The following BARX1 variants were observed in gnomAD, a reference collection of about 807,000 sequenced individuals.
The protein encoded by BARX1 is homeobox protein BarH-like 1.
A neutral mutation model predicts 19.6 loss-of-function variants in BARX1; 10 were observed. That is an observed-to-expected ratio of 0.51 (90% CI 0.31 to 0.86). The LOEUF is 0.86. Among genes scored for constraint, BARX1 ranks in the 40% least tolerant of loss-of-function variants. The probability of loss-of-function intolerance (pLI) is 0.04; values close to 1 mark genes in which losing one functional copy is unlikely to be tolerated. For synonymous variants in BARX1, 177 were observed against 170.0 expected (o/e 1.04, Z -0.32); for missense variants, 309 against 360.4 (o/e 0.86, Z 1.15).
intron 1 of BARX1, among the ~76,000 whole-genome samples, 190 bp downstream of exon 1, chr9:93,954,734 T>C (rs760918263): frequency 5.3e-5 from 8 of 151,946 alleles, no homozygotes; most frequent in Non-Finnish European, 1.2e-4. Flanking sequence ...AGGCCTGGTT[T>C]CTGTGAGGCC....
Position 93,952,723 on chromosome 9 carries a change from A to T in BARX1, c.600+6T>A. 6.2e-7 allele frequency: 1 copy of T among 1,613,836 alleles called. No individual in the cohort carries two copies. Among genetic ancestry groups the T allele is most frequent in the Non-Finnish European group, 8.5e-7 (1 of 1,179,784 alleles). On this transcript the variant is annotated splice_donor_region_variant and intron_variant, in intron 3 of 3. Transcript: ENST00000253968. Reference sequence around the variant, plus strand: ...TGAGGGGTGGGAAGCCACCAGGCACACTCACTATTTTCTTCCACTTCATCC... The same window carrying T: ...TGAGGGGTGGGAAGCCACCAGGCACTCTCACTATTTTCTTCCACTTCATCC...
In BARX1 at chr9:93,952,795, G is replaced by C; in HGVS notation, c.534C>G (p.Ser178=). 1 of 1,614,148 alleles carries C rather than the reference G, an allele frequency of 6.2e-7. No homozygotes were observed. The highest frequency in any genetic ancestry group is 2.2e-5 in the East Asian group (1 of 44,882). ...TCACCTGCAACTGGCTCAGGCCCAG[G>C]GACTCAGCAAGATCTATTCTGGAAA... is the stretch of plus-strand genomic sequence containing the variant. ...STPDRIDLAE[S]LGLSQLQVKT... Residue 178 remains serine, a synonymous_variant, in exon 3 of 4, where the codon TCC becomes TCG. Coordinates refer to ENST00000253968, the MANE Select transcript of BARX1 (RefSeq NM_021570.4).
At chr9:93,953,470 T>C in intron 1 of BARX1, 1 of 445,316 alleles carries the variant, frequency 2.2e-6, no homozygotes, top group Non-Finnish European at 3.9e-6. Context: ...CTGATGAACA[T>C]GTTTGCAGCT....
In BARX1 at chr9:93,955,215, C is replaced by A; in HGVS notation, c.-69G>T. 1 of 751,704 alleles carries A rather than the reference C, an allele frequency of 1.3e-6. No homozygotes were observed. Among genetic ancestry groups the A allele is most frequent in the Non-Finnish European group, 1.6e-6 (1 of 619,682 alleles). The allele number at this position is 751,704 out of a possible 1,614,324, so 46.6% of individuals were successfully genotyped here. On this transcript the variant is annotated 5_prime_UTR_variant, in exon 1 of 4. Coordinates refer to ENST00000253968, the MANE Select transcript of BARX1 (RefSeq NM_021570.4). This position sits in a 1 kb window ranked among gnomAD's most constrained non-coding sequence, Gnocchi z 4.4. ...CGACGGCTTGGCTCCGGCGCGGGGC[C>A]CGCGCGGGGCTCTAGGCCGGCCCGC...
At chr9:93,952,355 G>A (rs543034333) in intron 3 of BARX1, 27 bp from the exon 4 acceptor site, 1 of 1,598,202 alleles carries the variant, frequency 6.3e-7, no homozygotes, top group East Asian at 2.2e-5. Context: ...CAGCACCTGG[G>A]TGAGCCAGCA....
At position 93,953,004 on chromosome 9, in the gene BARX1, C is replaced by A; in HGVS notation, c.407G>T (p.Gly136Val). ...KLEAAGPGEP[G>V]TKAKKGRRSR... ...CCGACGCCCCTTCTTGGCTTTGGTG[C>A]CTGGCTCCCCAGGGCCTGCCGCCTC... Residue 136 changes from glycine to valine, a missense_variant, in exon 2 of 4, where the codon GGC becomes GTC. Coordinates refer to ENST00000253968, the MANE Select transcript of BARX1 (RefSeq NM_021570.4). The A allele has an allele frequency of 6.4e-7, 1 of 1,573,022 alleles. No homozygotes were observed. Among genetic ancestry groups the A allele is most frequent in the African/African-American group, 1.4e-5 (1 of 73,906 alleles).
Position 93,955,115 on chromosome 9 carries a change from C to T in BARX1, c.32G>A (p.Arg11His), listed in dbSNP as rs1829146677. Residue 11 changes from arginine (R) to histidine (H), a missense_variant, in exon 1 of 4, where the codon CGC becomes CAC. This residue lies in a region of BARX1 where 204 missense variants were observed against 206.8 expected (regional missense o/e 0.99). Transcript: ENST00000253968. The surrounding 1 kb of genome is among the most constrained non-coding windows in gnomAD (Gnocchi z 4.4). Reference protein sequence around the residue: MQRPGEPGAARFGPPEGCADH... With the variant: MQRPGEPGAAHFGPPEGCADH... ...CGCGCAGCCCTCGGGCGGGCCGAAG[C>T]GCGCGGCGCCCGGCTCCCCCGGCCG... is the stretch of plus-strand genomic sequence containing the variant. The T allele has an allele frequency of 3.2e-6, 4 of 1,237,684 alleles. No homozygotes were observed. Among genetic ancestry groups the T allele is most frequent in the East Asian group, 3.6e-5 (1 of 27,800 alleles). The allele number at this position is 1,237,684 out of a possible 1,614,324, so 76.7% of individuals were successfully genotyped here.
rs1271031550 is a variant in BARX1, at chr9:93,955,014, C to T, written c.133G>A (p.Ala45Thr). The T allele has an allele frequency of 4.3e-6, 6 of 1,399,106 alleles. No homozygotes were observed. In the East Asian group the frequency reaches 1.6e-4, roughly 38 times the overall value. The allele number at this position is 1,399,106 out of a possible 1,614,324, so 86.7% of individuals were successfully genotyped here. Residue 45 changes from alanine (A) to threonine (T), a missense_variant, in exon 1 of 4, where the codon GCG (alanine) becomes ACG (threonine). By Grantham distance (58) the Ala-to-Thr change is moderately conservative. Transcript: ENST00000253968. The surrounding 1 kb of genome is among the most constrained non-coding windows in gnomAD (Gnocchi z 4.4). ...LTEPPGPKGA[A>T]PAAAAAAAGE... is the part of the protein sequence containing the mutation. ...GCCGCGGCAGCGGCGGCTGCGGGCG[C>T]GGCGCCCTTGGGCCCGGGTGGCTCC...
chr9:93,954,489 A>C (rs1051376585), intron 1 of BARX1, among the ~76,000 whole-genome samples: 2 of 152,168 alleles, frequency 1.3e-5, no homozygotes, highest in Admixed American at 6.5e-5. Flanking sequence ...TCGGGAGCGC[A>C]GGCCTCCTCC....
intron 1 of BARX1, 182 bp from the exon 2 acceptor site, chr9:93,953,369 C>T: frequency 1.5e-6 from 1 of 670,740 alleles, no homozygotes; most frequent in Non-Finnish European, 2.4e-6. Flanking sequence ...GTTGCCGTTC[C>T]CCAGATTTGG....
chr9:93,955,206 G>C lies in BARX1; in HGVS notation c.-60C>G. On this transcript the variant is annotated 5_prime_UTR_variant, in exon 1 of 4. Transcript: ENST00000253968. This position sits in a 1 kb window ranked among gnomAD's most constrained non-coding sequence, Gnocchi z 4.4. ...CGGCGGCGGCGACGGCTTGGCTCCG[G>C]CGCGGGGCCCGCGCGGGGCTCTAGG... is the stretch of plus-strand genomic sequence containing the variant. 1.2e-6 allele frequency: 1 copy of C among 848,504 alleles called. No individual in the cohort carries two copies. Among genetic ancestry groups the C allele is most frequent in the Non-Finnish European group, 1.4e-6 (1 of 707,574 alleles). 52.6% of individuals were successfully genotyped at this position (848,504 alleles called of 1,614,324 possible).
rs747038748 is a variant in BARX1, at chr9:93,953,153, C to A, written c.258G>T (p.Lys86Asn). 1 of 1,536,804 alleles carries A rather than the reference C, an allele frequency of 6.5e-7. No homozygotes were observed. The highest frequency in any genetic ancestry group is 1.2e-5 in the South Asian group (1 of 82,422). ...AACAGCCCAGCGGCGCCAGTGGGAA[C>A]TTGAACACCGCCGCCTGCTCGGCCT... Reference protein sequence around the residue: ...VLKAEQAAVFKFPLAPLGCSG... With the variant: ...VLKAEQAAVFNFPLAPLGCSG... Residue 86 changes from lysine (K) to asparagine (N), a missense_variant, in exon 2 of 4, where the codon AAG becomes AAT. Physicochemically the swap from Lys to Asn is moderately conservative, Grantham distance 94 (BLOSUM62 0). This residue lies in a region of BARX1 where 204 missense variants were observed against 206.8 expected (regional missense o/e 0.99). Transcript: ENST00000253968.
Position 93,954,913 on chromosome 9 carries a change from G to A in BARX1, c.223+11C>T. On this transcript the variant is annotated intron_variant, in intron 1 of 3. Coordinates refer to ENST00000253968, the MANE Select transcript of BARX1 (RefSeq NM_021570.4). ...AAGCCCGGCCCGCGACCCCGCGGCC[G>A]CCACACGTACCCAGGTGGCTGTGGA... is the stretch of plus-strand genomic sequence containing the variant. 7.6e-7 allele frequency: 1 copy of A among 1,307,818 alleles called. No individual in the cohort carries two copies. The highest frequency in any genetic ancestry group is 9.7e-7 in the Non-Finnish European group (1 of 1,035,550). 81.0% of individuals were successfully genotyped at this position (1,307,818 alleles called of 1,614,324 possible).
Position 93,954,351 on chromosome 9 carries a change from TCA to T in BARX1, c.223+571_223+572del, listed in dbSNP as rs1298364308. ...CCAGAAGGGACAGCCAGGCAGCTGCTCACAGTCAGGCCTCTGGCCCCAAGGCA... is the reference window on the plus strand; with the variant it reads ...CCAGAAGGGACAGCCAGGCAGCTGCTCAGTCAGGCCTCTGGCCCCAAGGCA... On this transcript the variant is annotated intron_variant, in intron 1 of 3. Transcript: ENST00000253968. Among the ~76,000 whole-genome samples the T allele has an allele frequency of 5.3e-5, 8 of 152,338 alleles. No individual in the cohort carries two copies. The East Asian group carries it at 9.7e-4, about 18-fold the overall frequency.
chr9:93,955,094 C>A lies in BARX1; in HGVS notation c.53G>T (p.Cys18Phe). 1 of 1,349,334 alleles carries A rather than the reference C, an allele frequency of 7.4e-7. No homozygotes were observed. The allele number at this position is 1,349,334 out of a possible 1,614,324, so 83.6% of individuals were successfully genotyped here. A position where few individuals can be genotyped will look rare whatever the true frequency, so the allele number is the denominator to read the frequency against. ...ATAGCGGTGCGGCCGGTGGTCCGCG[C>A]AGCCCTCGGGCGGGCCGAAGCGCGC... is the stretch of plus-strand genomic sequence containing the variant. ...GAARFGPPEGCADHRPHRYRS... is the reference protein window; with the variant it reads ...GAARFGPPEGFADHRPHRYRS... Residue 18 changes from cysteine to phenylalanine, a missense_variant, in exon 1 of 4, where the codon TGC becomes TTC. By Grantham distance (205) the Cys-to-Phe change is radical. Transcript: ENST00000253968. The surrounding 1 kb of genome is among the most constrained non-coding windows in gnomAD (Gnocchi z 4.4).
chr9:93,952,379 C>A lies in BARX1; in HGVS notation c.601-51G>T, dbSNP rs377613083. On this transcript the variant is annotated intron_variant, in intron 3 of 3. Coordinates refer to ENST00000253968, the MANE Select transcript of BARX1 (RefSeq NM_021570.4). ...GGTGAGCCAGCACGTGGACTGGGGA[C>A]CCCCGAGGAGACTTGAACCCAGGTA... The A allele has an allele frequency of 8.2e-6, 13 of 1,576,298 alleles. No homozygotes were observed. The East Asian group carries it at 1.6e-4, about 19-fold the overall frequency.
Position 93,955,013 on chromosome 9 carries a change from G to A in BARX1, c.134C>T (p.Ala45Val). The A allele has an allele frequency of 2.1e-6, 3 of 1,399,794 alleles. No homozygotes were observed. The highest frequency in any genetic ancestry group is 2.8e-6 in the Non-Finnish European group (3 of 1,076,790). 86.7% of individuals were successfully genotyped at this position (1,399,794 alleles called of 1,614,324 possible). A position where few individuals can be genotyped will look rare whatever the true frequency, so the allele number is the denominator to read the frequency against. The change falls in exon 1 of 4, where the codon GCG (alanine) becomes GTG (valine). Residue 45 changes from alanine (A) to valine (V), a missense_variant. Around this residue, in one of 3 missense-constraint regions of BARX1, gnomAD observed 204 missense variants for 206.8 expected, o/e 0.99. Transcript: ENST00000253968. The surrounding 1 kb of genome is among the most constrained non-coding windows in gnomAD (Gnocchi z 4.4). ...LTEPPGPKGA[A>V]PAAAAAAAGE... ...CGCCGCGGCAGCGGCGGCTGCGGGC[G>A]CGGCGCCCTTGGGCCCGGGTGGCTC...
In BARX1 at chr9:93,952,463, C is replaced by A. The variant is rs533610001; in HGVS notation, c.601-135G>T. 3 of 1,344,964 alleles carry A rather than the reference C, an allele frequency of 2.2e-6. No individual in the cohort carries two copies. In the Admixed American group the frequency reaches 7.3e-5, roughly 33 times the overall value. The allele number at this position is 1,344,964 out of a possible 1,614,324, so 83.3% of individuals were successfully genotyped here. ...GGTGGGGAAATGTCCCGGGAAATGG[C>A]GGCCATTTGTCCAAATGCCGCCTGG... On this transcript the variant is annotated intron_variant, in intron 3 of 3. Transcript: ENST00000253968.
intron 1 of BARX1, among the ~76,000 whole-genome samples, chr9:93,954,279 G>C (rs1294669554): frequency 6.6e-6 from 1 of 152,258 alleles, no homozygotes; most frequent in Non-Finnish European, 1.5e-5. Context: ...AGCTGAAAAG[G>C]TCTGCGCAGG....
Sources: allele counts gnomAD v4.1 joint callset (sites outside exome capture counted in the v4.1 genomes callset), GRCh38; gene constraint gnomAD v4.1.1; regional missense constraint gnomAD v4.1.1; non-coding constraint Gnocchi (gnomAD v3.1); transcripts MANE v1.5; gene names NCBI Gene and HGNC (gene_info 2026-07-23, HGNC 2026-07-21).